The following HS3ST1 variants were observed in gnomAD, a reference collection of about 807,000 sequenced individuals.
HS3ST1 encodes the protein heparan sulfate glucosamine 3-O-sulfotransferase 1.
A neutral mutation model predicts 20.7 loss-of-function variants in HS3ST1; 8 were observed. The observed-to-expected ratio is 0.39, with a 90% CI of 0.23 to 0.70. HS3ST1 has a LOEUF of 0.70. Ranked by LOEUF, HS3ST1 falls within the 30% of genes least tolerant of loss-of-function variation. HS3ST1 has a pLI of 0.46. For synonymous variants in HS3ST1, 205 were observed against 190.4 expected (o/e 1.08, Z -0.63); for missense variants, 436 against 423.4 (o/e 1.03, Z -0.26).
chr4:11,409,400 G>A (rs1043337975), intron 1 of HS3ST1, among the ~76,000 whole-genome samples: 2 of 151,730 alleles, frequency 1.3e-5, no homozygotes, highest in Admixed American at 6.6e-5. Context: ...TGGAGGTGGG[G>A]GCTTTAGATG....
rs1718238138 is a variant in HS3ST1, at chr4:11,399,277, A to G, written c.729T>C (p.Ala243=). ...RFLKLSPQIN[A]SNFYFNKTKG... ...TGGTTTTGTTAAAGTAGAAGTTCGA[A>G]GCATTGATCTGCGGCGACAGCTTTA... is the stretch of plus-strand genomic sequence containing the variant. Residue 243 remains alanine, a synonymous_variant, in exon 2 of 2, where the codon GCT becomes GCC. Coordinates refer to ENST00000002596, the MANE Select transcript of HS3ST1 (RefSeq NM_005114.4). The surrounding 1 kb of genome is among the most constrained non-coding windows in gnomAD (Gnocchi z 5.1). The G allele has an allele frequency of 6.2e-7, 1 of 1,614,042 alleles. No individual in the cohort carries two copies. The highest frequency in any genetic ancestry group is 8.5e-7 in the Non-Finnish European group (1 of 1,180,032).
chr4:11,421,804 G>A (rs1392568562), intron 1 of HS3ST1, among the ~76,000 whole-genome samples: 1 of 152,220 alleles, frequency 6.6e-6, no homozygotes, highest in African/African-American at 2.4e-5. Flanking sequence ...TCTCCACCTT[G>A]AGCCTACTGC....
chr4:11,417,091 G>A (rs1362927497), intron 1 of HS3ST1, among the ~76,000 whole-genome samples: 2 of 152,064 alleles, frequency 1.3e-5, no homozygotes. Flanking sequence ...TAATAAATTA[G>A]AATGTGAGAG....
upstream of HS3ST1, among the ~76,000 whole-genome samples, chr4:11,432,054 A>G (rs1719215775): frequency 6.6e-6 from 1 of 151,918 alleles, no homozygotes; most frequent in Admixed American, 6.6e-5. Context: ...TAAAAACTAG[A>G]CTCCTAGTCT....
In HS3ST1 at chr4:11,394,972, CTAAG is replaced by C. The variant is rs1718096083; in HGVS notation, c.*4106_*4109del. The stretch of plus-strand genomic sequence containing the variant: ...GGAGCCAAATTCACATGGGTGCCTG[CTAAG>C]TAAGCTTCCAACACTCCAGCCTTGG... On this transcript the variant is annotated 3_prime_UTR_variant, in exon 2 of 2. Coordinates refer to ENST00000002596, the MANE Select transcript of HS3ST1 (RefSeq NM_005114.4). The C allele has an allele frequency of 6.6e-6, 1 of 152,196 alleles. No homozygotes were observed. The highest frequency in any genetic ancestry group is 1.5e-5 in the Non-Finnish European group (1 of 68,044). The allele number at this position is 152,196 out of a possible 1,614,324, so 9.4% of individuals were successfully genotyped here.
rs899485592 is a variant in HS3ST1 at position 11,428,694 on chromosome 4, C to G, written c.-109+5G>C. The G allele has an allele frequency of 5.2e-5, 8 of 152,928 alleles. No individual in the cohort carries two copies. The highest frequency in any genetic ancestry group is 1.9e-4 in the African/African-American group (8 of 41,486). The allele number at this position is 152,928 out of a possible 1,614,324, so 9.5% of individuals were successfully genotyped here. The stretch of plus-strand genomic sequence containing the variant: ...ACTCTCCCACCCCGCGCGCGCCGCA[C>G]TCACCTGAGCCGCGCCTCTGTCCAG... On this transcript the variant is annotated splice_donor_5th_base_variant and intron_variant, in intron 1 of 1. Coordinates refer to ENST00000002596, the MANE Select transcript of HS3ST1 (RefSeq NM_005114.4).
chr4:11,421,121 GA>G (rs1198107426), intron 1 of HS3ST1, among the ~76,000 whole-genome samples: 1 of 152,150 alleles, frequency 6.6e-6, no homozygotes, highest in Non-Finnish European at 1.5e-5. Context: ...TCTACACAAG[GA>G]AAAACACATT....
chr4:11,401,262 T>C (rs1218738228), intron 1 of HS3ST1, among the ~76,000 whole-genome samples: 1 of 152,118 alleles, frequency 6.6e-6, no homozygotes, highest in Non-Finnish European at 1.5e-5. Flanking sequence ...AGCTTTACTA[T>C]TGATAATGTG....
At position 11,396,609 on chromosome 4, in the gene HS3ST1, G is replaced by A. The variant is rs1718152665; in HGVS notation, c.*2473C>T. The A allele has an allele frequency of 1.3e-5, 2 of 152,410 alleles. No homozygotes were observed. The highest frequency in any genetic ancestry group is 1.3e-4 in the Admixed American group (2 of 15,298). 9.4% of individuals were successfully genotyped at this position (152,410 alleles called of 1,614,324 possible). A position where few individuals can be genotyped will look rare whatever the true frequency, so the allele number is the denominator to read the frequency against. Reference sequence around the variant, plus strand: ...CCTCCTTTGAATTTGACAGTGCTTGGTGAGATCTAGCAATAAATACCTTGG... The same window carrying A: ...CCTCCTTTGAATTTGACAGTGCTTGATGAGATCTAGCAATAAATACCTTGG... On this transcript the variant is annotated 3_prime_UTR_variant, in exon 2 of 2. Transcript: ENST00000002596.
chr4:11,400,628 A>G (rs894861907), intron 1 of HS3ST1, among the ~76,000 whole-genome samples: 2 of 152,048 alleles, frequency 1.3e-5, no homozygotes, highest in Non-Finnish European at 2.9e-5. Flanking sequence ...AATATCTACT[A>G]CTCACCAGTC....
rs1381986001 is a variant in HS3ST1 at position 11,396,699 on chromosome 4, A to C, written c.*2383T>G. 1 of 152,332 alleles carries C rather than the reference A, an allele frequency of 6.6e-6. No individual in the cohort carries two copies. Among genetic ancestry groups the C allele is most frequent in the East Asian group, 1.9e-4 (1 of 5,206 alleles). 9.4% of individuals were successfully genotyped at this position (152,332 alleles called of 1,614,324 possible). A position where few individuals can be genotyped will look rare whatever the true frequency, so the allele number is the denominator to read the frequency against. On this transcript the variant is annotated 3_prime_UTR_variant, in exon 2 of 2. Coordinates refer to ENST00000002596, the MANE Select transcript of HS3ST1 (RefSeq NM_005114.4). ...TCAATGACTGGCTGGGGTTGTACCAAAAATGAATGAACAGATAGTGCCACT... is the reference window on the plus strand; with the variant it reads ...TCAATGACTGGCTGGGGTTGTACCACAAATGAATGAACAGATAGTGCCACT...
chr4:11,422,279 C>G (rs1200270081), intron 1 of HS3ST1, among the ~76,000 whole-genome samples: 1 of 152,202 alleles, frequency 6.6e-6, no homozygotes, highest in African/African-American at 2.4e-5. Flanking sequence ...CCTAACTCCC[C>G]CAGACAGAAA....
chr4:11,431,245 A>AAAC (rs1719200158), upstream of HS3ST1, among the ~76,000 whole-genome samples: 1 of 151,940 alleles, frequency 6.6e-6, no homozygotes, highest in Admixed American at 6.6e-5. Context: ...AAAAAAAAAA[A>AAAC]AAAAACTTTG....
At chr4:11,423,502 T>C (rs1718988264) in intron 1 of HS3ST1, among the ~76,000 whole-genome samples, 1 of 152,228 alleles carries the variant, frequency 6.6e-6, no homozygotes, top group African/African-American at 2.4e-5. Context: ...GTTTTTATTT[T>C]TTAATCCTTA....
At chr4:11,413,085 T>G (rs2108885911) in intron 1 of HS3ST1, among the ~76,000 whole-genome samples, 1 of 152,302 alleles carries the variant, frequency 6.6e-6, no homozygotes, top group East Asian at 1.9e-4. Flanking sequence ...GGCCTCAGAC[T>G]TCCAGCCTGC....
chr4:11,429,673 T>TTTTTTTC, upstream of HS3ST1: 1 of 133,952 alleles, frequency 7.5e-6, no homozygotes, highest in Non-Finnish European at 1.6e-5. Context: ...TTTTTTTTTT[T>TTTTTTTC]CCGCTAGTGC....
chr4:11,425,042 A>G (rs930013854), intron 1 of HS3ST1, among the ~76,000 whole-genome samples: 8 of 152,200 alleles, frequency 5.3e-5, no homozygotes, highest in African/African-American at 1.7e-4. Context: ...GTACCTTTAG[A>G]AAATTAATTA....
intron 1 of HS3ST1, among the ~76,000 whole-genome samples, chr4:11,411,378 T>C (rs1718630489): frequency 6.6e-6 from 1 of 152,252 alleles, no homozygotes; most frequent in Non-Finnish European, 1.5e-5. Context: ...CACACCACTG[T>C]GATTTCCATC....
At chr4:11,427,972 C>T (rs1330543076) in intron 1 of HS3ST1, among the ~76,000 whole-genome samples, 1 of 152,214 alleles carries the variant, frequency 6.6e-6, no homozygotes, top group Non-Finnish European at 1.5e-5. Flanking sequence ...TTCCTGGGAG[C>T]TGGGGTCTAG....
Sources: gnomAD v4.1 joint callset for allele counts (sites outside exome capture counted in the v4.1 genomes callset) on GRCh38, gnomAD v4.1.1 for gene constraint, Gnocchi (gnomAD v3.1) non-coding constraint, MANE v1.5 for transcripts, NCBI Gene and HGNC (gene_info 2026-07-23, HGNC 2026-07-21) for gene names.